Variants in CHST11 observed in about 807,000 individuals in gnomAD.
CHST11 encodes C4S-1.
In CHST11, 9 loss-of-function variants were observed where a neutral mutation model predicts 30.4. The ratio of observed to expected loss-of-function variants is 0.30; its 90% CI spans 0.18 to 0.52. The LOEUF is 0.52. CHST11 is among the 20% of genes least tolerant of loss of function. The probability of loss-of-function intolerance (pLI) is 0.97; values close to 1 mark genes in which losing one functional copy is unlikely to be tolerated. For missense variants in CHST11, 348 were observed against 460.6 expected (o/e 0.76, Z 2.24); for synonymous variants, 152 against 187.8 (o/e 0.81, Z 1.56).
intron 1 of CHST11, among the ~76,000 whole-genome samples, chr12:104,478,928 A>G (rs913247204): frequency 1.3e-5 from 2 of 152,110 alleles, no homozygotes; most frequent in African/African-American, 2.4e-5. Context: ...CCTTCATTCT[A>G]GGGGGTTATT....
chr12:104,576,832 C>T (rs61940028), intron 1 of CHST11, among the ~76,000 whole-genome samples: 10,676 of 152,186 alleles, frequency 0.07, 430 homozygotes, highest in Middle Eastern at 0.099. Flanking sequence ...TGACACCACT[C>T]CAGGCTGCGC....
chr12:104,469,239 C>T (rs924005604), intron 1 of CHST11, among the ~76,000 whole-genome samples: 3 of 152,190 alleles, frequency 2.0e-5, no homozygotes, highest in Admixed American at 6.5e-5. Flanking sequence ...CTCTGTCTGC[C>T]GTACTAACAG....
chr12:104,728,326 A>C (rs1249626798), intron 2 of CHST11, among the ~76,000 whole-genome samples: 1 of 152,192 alleles, frequency 6.6e-6, no homozygotes, highest in African/African-American at 2.4e-5. Context: ...TGGATTTCAG[A>C]AGAAAGGAAA....
intron 1 of CHST11, among the ~76,000 whole-genome samples, chr12:104,589,902 G>A (rs915727771): frequency 2.0e-5 from 3 of 152,086 alleles, no homozygotes; most frequent in Non-Finnish European, 4.4e-5. Flanking sequence ...CCAGCTACTC[G>A]GGAGGCTGAG....
At chr12:104,590,692 C>T (rs974724295) in intron 1 of CHST11, among the ~76,000 whole-genome samples, 7 of 151,688 alleles carry the variant, frequency 4.6e-5, no homozygotes, top group Admixed American at 6.6e-5. Flanking sequence ...GAGACTGAGG[C>T]GGGCAGATCA....
intron 2 of CHST11, among the ~76,000 whole-genome samples, chr12:104,680,490 A>G (rs777257670): frequency 2.6e-5 from 4 of 152,212 alleles, no homozygotes; most frequent in Non-Finnish European, 4.4e-5. Context: ...TGGTCAGACC[A>G]CAGAAGTAAG....
At chr12:104,756,740 T>G (rs1372992993) in intron 2 of CHST11, among the ~76,000 whole-genome samples, 2 of 151,984 alleles carry the variant, frequency 1.3e-5, no homozygotes, top group Middle Eastern at 3.2e-3. Flanking sequence ...AGAGATGAGG[T>G]CTCACTATGT....
intron 1 of CHST11, among the ~76,000 whole-genome samples, chr12:104,504,486 G>A (rs145056953): frequency 1.4e-4 from 21 of 152,344 alleles, no homozygotes; most frequent in African/African-American, 5.1e-4. Context: ...CTGGGAGTCT[G>A]AGGACTCTCT....
intron 1 of CHST11, among the ~76,000 whole-genome samples, chr12:104,482,344 G>GCC (rs35376549): frequency 1.2e-3 from 110 of 89,004 alleles, no homozygotes; most frequent in Middle Eastern, 9.7e-3. Flanking sequence ...CAAACAGGGA[G>GCC]CCCCCCCCCG....
At chr12:104,588,588 G>A (rs1331307454) in intron 1 of CHST11, among the ~76,000 whole-genome samples, 2 of 152,180 alleles carry the variant, frequency 1.3e-5, no homozygotes, top group Non-Finnish European at 2.9e-5. Flanking sequence ...TTCCTTGCCT[G>A]CCTCGGGCTC....
At chr12:104,700,901 G>A (rs752457940) in intron 2 of CHST11, among the ~76,000 whole-genome samples, 3 of 152,104 alleles carry the variant, frequency 2.0e-5, no homozygotes, top group African/African-American at 2.4e-5. Context: ...ACGAGGTCAG[G>A]AGATCAAGAT....
intron 1 of CHST11, among the ~76,000 whole-genome samples, chr12:104,487,596 A>T (rs1016477411): frequency 6.6e-6 from 1 of 152,192 alleles, no homozygotes; most frequent in Admixed American, 6.5e-5. Context: ...AGATGTTTTC[A>T]TTGTCCTTAT....
At chr12:104,579,662 C>T (rs1400223344) in intron 1 of CHST11, among the ~76,000 whole-genome samples, 6 of 152,144 alleles carry the variant, frequency 3.9e-5, no homozygotes, top group Non-Finnish European at 5.9e-5. Flanking sequence ...ATGCGCCGCC[C>T]CTCTCCCCGG....
At chr12:104,577,657 C>A (rs976683267) in intron 1 of CHST11, among the ~76,000 whole-genome samples, 1 of 152,200 alleles carries the variant, frequency 6.6e-6, no homozygotes, top group Non-Finnish European at 1.5e-5. Flanking sequence ...AGGGCAACTT[C>A]CCCTGCTTTC....
intron 2 of CHST11, among the ~76,000 whole-genome samples, chr12:104,705,425 C>T (rs1256369079): frequency 1.3e-5 from 2 of 152,196 alleles, no homozygotes; most frequent in East Asian, 1.9e-4. Context: ...ACATCCCAGG[C>T]GCCTGGTAAA....
chr12:104,637,339 G>A (rs2039334682), intron 2 of CHST11, among the ~76,000 whole-genome samples: 1 of 113,832 alleles, frequency 8.8e-6, no homozygotes, highest in Non-Finnish European at 1.7e-5. Context: ...AAAAAAAGGG[G>A]GTTGGGGGAG....
intron 1 of CHST11, among the ~76,000 whole-genome samples, chr12:104,553,865 A>G (rs1357254863): frequency 6.6e-6 from 1 of 152,188 alleles, no homozygotes; most frequent in Non-Finnish European, 1.5e-5. Flanking sequence ...TTTTTGGGTC[A>G]GGAACATGAG....
At chr12:104,694,253 C>A (rs11112170) in intron 2 of CHST11, among the ~76,000 whole-genome samples, 8,073 of 152,226 alleles carry the variant, frequency 0.053, 539 homozygotes, top group East Asian at 0.19. Flanking sequence ...TACCTCCACT[C>A]TCCAGCCGCA....
At chr12:104,622,355 A>G (rs1566012039) in intron 2 of CHST11, among the ~76,000 whole-genome samples, 1 of 152,184 alleles carries the variant, frequency 6.6e-6, no homozygotes, top group Non-Finnish European at 1.5e-5. Context: ...TTTTAAAAGG[A>G]CGGAGTAAAT....
Sources: gnomAD v4.1 joint callset for allele counts (sites outside exome capture counted in the v4.1 genomes callset) on GRCh38, gnomAD v4.1.1 for gene constraint, MANE v1.5 for transcripts, NCBI Gene and HGNC (gene_info 2026-07-23, HGNC 2026-07-21) for gene names.